Variants in SUGCT observed in about 807,000 individuals in gnomAD.
SUGCT encodes succinyl-CoA:glutarate-CoA transferase.
Under a neutral mutation model 55.0 loss-of-function variants are expected in SUGCT, and 41 were observed. The ratio of observed to expected loss-of-function variants is 0.74; its 90% confidence interval spans 0.58 to 0.97. The LOEUF is 0.97. Among genes scored for constraint, SUGCT ranks in the 50% least tolerant of loss-of-function variants. SUGCT has a pLI of 0.00. For missense variants in SUGCT, 568 were observed against 547.8 expected (o/e 1.04, Z -0.37); for synonymous variants, 187 against 200.4 (o/e 0.93, Z 0.56).
intron 9 of SUGCT, among the ~76,000 whole-genome samples, chr7:40,401,362 A>G (rs1289613013): frequency 6.6e-6 from 1 of 152,194 alleles, no homozygotes; most frequent in Non-Finnish European, 1.5e-5. Flanking sequence ...CTATCTTGAA[A>G]TGATTCAGAG....
At chr7:40,504,087 A>G (rs1792452322) in intron 12 of SUGCT, among the ~76,000 whole-genome samples, 1 of 152,226 alleles carries the variant, frequency 6.6e-6, no homozygotes, top group Non-Finnish European at 1.5e-5. Flanking sequence ...TACGTTCGTC[A>G]AAGAGTACAA....
chr7:40,848,764 A>G (rs990524657), intron 13 of SUGCT, among the ~76,000 whole-genome samples: 6 of 152,164 alleles, frequency 3.9e-5, no homozygotes, highest in Non-Finnish European at 7.4e-5. Flanking sequence ...AAGCAGTGCC[A>G]TGGATTGAGT....
intron 13 of SUGCT, among the ~76,000 whole-genome samples, chr7:40,762,082 G>A (rs1400023036): frequency 1.3e-5 from 2 of 152,180 alleles, no homozygotes; most frequent in Non-Finnish European, 2.9e-5. Flanking sequence ...CATTTGACAA[G>A]GAAAGGCATT....
At chr7:40,946,219 T>A in the SUGCT span, among the ~76,000 whole-genome samples, 1 of 151,976 alleles carries the variant, frequency 6.6e-6, no homozygotes, top group Non-Finnish European at 1.5e-5. Context: ...TGCTTTATAC[T>A]ACCTAGGGAA....
chr7:40,481,579 TA>T, intron 11 of SUGCT, among the ~76,000 whole-genome samples: 1 of 151,772 alleles, frequency 6.6e-6, no homozygotes, highest in East Asian at 1.9e-4. Context: ...GTACTTAATA[TA>T]AAAATCATCT....
rs117290352 is a variant in SUGCT at position 40,247,789 on chromosome 7, A to G, written c.576+10063A>G. ...CTAAATACAAGTATTTGTGAGATGTATACATTGCTGATATTTTCTCCCAGC... is the reference window on the plus strand; with the variant it reads ...CTAAATACAAGTATTTGTGAGATGTGTACATTGCTGATATTTTCTCCCAGC... On this transcript the variant is annotated intron_variant, in intron 7 of 13. Coordinates refer to ENST00000335693, the MANE Select transcript of SUGCT (RefSeq NM_001193313.2). 5.3e-3 allele frequency among the ~76,000 whole-genome samples: 806 copies of G among 152,252 alleles called. 4 individuals are homozygous for G. The highest frequency in any genetic ancestry group is 7.5e-3 in the Non-Finnish European group (509 of 68,026).
intron 8 of SUGCT, among the ~76,000 whole-genome samples, chr7:40,281,038 C>T (rs117860025): frequency 0.022 from 3,294 of 152,220 alleles, 66 homozygotes; most frequent in South Asian, 0.035. Flanking sequence ...TTAAAAATTA[C>T]ATTCTATAAC....
intron 13 of SUGCT, among the ~76,000 whole-genome samples, chr7:40,802,930 A>G (rs1790897382): frequency 6.6e-6 from 1 of 152,234 alleles, no homozygotes; most frequent in African/African-American, 2.4e-5. Flanking sequence ...ATCACTAGCT[A>G]CAATAAGAAA....
intron 9 of SUGCT, among the ~76,000 whole-genome samples, chr7:40,406,982 T>A (rs1036234495): frequency 3.9e-5 from 6 of 152,142 alleles, no homozygotes; most frequent in African/African-American, 1.2e-4. Flanking sequence ...TAGTCTAGGT[T>A]CTTGGTTGAA....
In SUGCT at chr7:40,601,862, C is replaced by T. The variant is rs558778422; in HGVS notation, c.1089+105476C>T. Among the ~76,000 whole-genome samples, 36 of 152,166 alleles carry T rather than the reference C, an allele frequency of 2.4e-4. No homozygotes were observed. In the South Asian group the frequency reaches 6.6e-3, roughly 28 times the overall value. On this transcript the variant is annotated intron_variant, in intron 12 of 13. Transcript: ENST00000335693. ...GGACACCCTTTTTCTAAGATCTAAC[C>T]CTTCAAATAAGATCTAACCCTTCAA...
chr7:40,248,578 A>T (rs1790071454), intron 7 of SUGCT, among the ~76,000 whole-genome samples: 1 of 150,026 alleles, frequency 6.7e-6, no homozygotes, highest in South Asian at 2.1e-4. Context: ...TATTATTATT[A>T]TTTTTTTGAG....
chr7:40,557,589 G>A (rs550538015), intron 12 of SUGCT, among the ~76,000 whole-genome samples: 142 of 152,018 alleles, frequency 9.3e-4, no homozygotes, highest in South Asian at 4.2e-3. Context: ...CCTGGCCAAC[G>A]TAGTGAAACC....
chr7:40,323,123 T>C (rs1283402979), intron 9 of SUGCT, among the ~76,000 whole-genome samples: 1 of 151,982 alleles, frequency 6.6e-6, no homozygotes, highest in Non-Finnish European at 1.5e-5. Context: ...ATCTCTCTTC[T>C]TTTGACCCAG....
chr7:41,009,953 TG>T, the SUGCT span, among the ~76,000 whole-genome samples: 1 of 152,236 alleles, frequency 6.6e-6, no homozygotes, highest in Non-Finnish European at 1.5e-5. Flanking sequence ...TTGAGATATG[TG>T]CTGTATTCAC....
At chr7:40,464,530 T>C (rs561183695) in intron 11 of SUGCT, among the ~76,000 whole-genome samples, 1 of 152,202 alleles carries the variant, frequency 6.6e-6, no homozygotes, top group South Asian at 2.1e-4. Flanking sequence ...AGCATGAAAA[T>C]AAAATCATGA....
the SUGCT span, among the ~76,000 whole-genome samples, chr7:40,898,039 A>G: frequency 1.3e-5 from 2 of 152,134 alleles, no homozygotes; most frequent in Admixed American, 1.3e-4. Flanking sequence ...CGCTTTTCAG[A>G]TAAATCTTGA....
Position 40,660,046 on chromosome 7 carries a change from A to C in SUGCT, c.1090-89388A>C, listed in dbSNP as rs572719706. 1.0e-3 allele frequency among the ~76,000 whole-genome samples: 154 copies of C among 152,356 alleles called. 1 individual carries two copies. The highest frequency in any genetic ancestry group is 3.6e-3 in the African/African-American group (148 of 41,588). ...ACATGATGGATGTAATATTGGTTAC[A>C]GTGACAGCTGCTATAACAAATTAAC... is the stretch of plus-strand genomic sequence containing the variant. On this transcript the variant is annotated intron_variant, in intron 12 of 13. Coordinates refer to ENST00000335693, the MANE Select transcript of SUGCT (RefSeq NM_001193313.2).
At chr7:40,948,708 G>T in the SUGCT span, among the ~76,000 whole-genome samples, 1 of 150,286 alleles carries the variant, frequency 6.7e-6, no homozygotes, top group South Asian at 2.1e-4. Flanking sequence ...TGCCGTGTTT[G>T]GTTTTCAGTT....
intron 9 of SUGCT, among the ~76,000 whole-genome samples, chr7:40,435,553 C>A (rs1788127097): frequency 6.6e-6 from 1 of 152,148 alleles, no homozygotes; most frequent in South Asian, 2.1e-4. Flanking sequence ...GTCTTAGACG[C>A]TTAACTAACT....
Sources: allele counts gnomAD v4.1 joint callset (sites outside exome capture counted in the v4.1 genomes callset), GRCh38; gene constraint gnomAD v4.1.1; transcripts MANE v1.5; gene names NCBI Gene and HGNC (gene_info 2026-07-23, HGNC 2026-07-21).